The following COMMD1 variants were observed in gnomAD, a reference collection of about 807,000 sequenced individuals.
COMMD1 encodes copper metabolism domain containing 1.
COMMD1 carries 10 observed loss-of-function variants against 17.2 expected under a neutral mutation model. That is an observed-to-expected ratio of 0.58 (90% confidence interval 0.36 to 0.99). COMMD1 has a LOEUF of 0.99. COMMD1 is among the 50% of genes least tolerant of loss of function. The probability of loss-of-function intolerance (pLI) is 0.01; values close to 1 mark genes in which losing one functional copy is unlikely to be tolerated. For synonymous variants in COMMD1, 97 were observed against 91.6 expected (o/e 1.06, Z -0.34); for missense variants, 270 against 231.8 (o/e 1.17, Z -1.07).
At chr2:62,112,655 T>A (rs1672487499) in intron 2 of COMMD1, among the ~76,000 whole-genome samples, 1 of 152,248 alleles carries the variant, frequency 6.6e-6, no homozygotes, top group Non-Finnish European at 1.5e-5. Context: ...TTAGTCTTTT[T>A]AACAGTCCTA....
At chr2:62,086,110 A>G (rs1671661727) in intron 2 of COMMD1, among the ~76,000 whole-genome samples, 1 of 152,148 alleles carries the variant, frequency 6.6e-6, no homozygotes, top group African/African-American at 2.4e-5. Context: ...TGAGCCCAGG[A>G]GGTGGAGGCT....
At chr2:61,890,399 A>G (rs1320922266) in intron 1 of COMMD1, among the ~76,000 whole-genome samples, 1 of 152,060 alleles carries the variant, frequency 6.6e-6, no homozygotes, top group East Asian at 1.9e-4. Flanking sequence ...TTGTATTTTT[A>G]GTAGAGACGG....
intron 1 of COMMD1, among the ~76,000 whole-genome samples, chr2:61,996,058 A>G (rs1208133235): frequency 1.3e-5 from 2 of 152,154 alleles, no homozygotes; most frequent in African/African-American, 4.8e-5. Context: ...AGCAGTATAC[A>G]TACTTTAATT....
chr2:62,017,379 AT>A (rs1669481935), intron 2 of COMMD1, among the ~76,000 whole-genome samples: 2 of 152,222 alleles, frequency 1.3e-5, no homozygotes, highest in Admixed American at 1.3e-4. Flanking sequence ...TTAGAATATC[AT>A]TTAAAGGCTG....
intron 1 of COMMD1, among the ~76,000 whole-genome samples, chr2:61,945,902 C>A (rs1042577166): frequency 3.9e-5 from 6 of 152,088 alleles, no homozygotes; most frequent in African/African-American, 1.4e-4. Flanking sequence ...GATTAAACTT[C>A]CAGGTAGCGG....
upstream of COMMD1, among the ~76,000 whole-genome samples, chr2:61,904,823 A>G (rs899100998): frequency 1.3e-5 from 2 of 152,224 alleles, no homozygotes; most frequent in African/African-American, 4.8e-5. Context: ...CTCTGTACCT[A>G]TAAACAGTCA....
intron 2 of COMMD1, among the ~76,000 whole-genome samples, chr2:62,034,468 T>G (rs1669990927): frequency 6.6e-6 from 1 of 152,170 alleles, no homozygotes; most frequent in Non-Finnish European, 1.5e-5. Flanking sequence ...CCCTCCAGCC[T>G]GGGCGATAGA....
intron 1 of COMMD1, among the ~76,000 whole-genome samples, chr2:61,965,872 A>G (rs1450475780): frequency 6.6e-6 from 1 of 152,192 alleles, no homozygotes; most frequent in Non-Finnish European, 1.5e-5. Flanking sequence ...CGTACACAAA[A>G]GTATTACTGA....
intron 2 of COMMD1, among the ~76,000 whole-genome samples, chr2:62,014,884 G>A (rs1440197732): frequency 1.3e-5 from 2 of 151,858 alleles, no homozygotes; most frequent in Non-Finnish European, 2.9e-5. Flanking sequence ...GTTTTTAAGT[G>A]TACAGTCCAG....
intron 2 of COMMD1, among the ~76,000 whole-genome samples, chr2:62,129,806 A>G (rs1395417047): frequency 6.6e-6 from 1 of 152,152 alleles, no homozygotes; most frequent in Non-Finnish European, 1.5e-5. Context: ...GTTGTGGGTC[A>G]AAGGGTTATT....
At chr2:61,933,907 G>A (rs1362346550) in intron 1 of COMMD1, among the ~76,000 whole-genome samples, 6 of 152,142 alleles carry the variant, frequency 3.9e-5, no homozygotes, top group Non-Finnish European at 8.8e-5. Flanking sequence ...GGGATTACAG[G>A]CATGTGCCAC....
Position 62,065,628 on chromosome 2 carries a change from T to G in COMMD1, c.462+64646T>G, listed in dbSNP as rs142626711. On this transcript the variant is annotated intron_variant, in intron 2 of 2. Coordinates refer to ENST00000311832, the MANE Select transcript of COMMD1 (RefSeq NM_152516.4). The stretch of plus-strand genomic sequence containing the variant: ...AGCCACCACACCTGGCCCTTATATA[T>G]ACTTACTTTAAAGGTAACTGGAAAT... 1.6e-3 allele frequency among the ~76,000 whole-genome samples: 246 copies of G among 152,320 alleles called. 2 individuals are homozygous for G. Among genetic ancestry groups the G allele is most frequent in the African/African-American group, 4.7e-3 (194 of 41,572 alleles).
At chr2:61,968,366 T>C (rs1193170620) in intron 1 of COMMD1, among the ~76,000 whole-genome samples, 2 of 152,166 alleles carry the variant, frequency 1.3e-5, no homozygotes, top group Non-Finnish European at 2.9e-5. Flanking sequence ...GCAGCTCATA[T>C]AGCAAATTCT....
intron 1 of COMMD1, among the ~76,000 whole-genome samples, chr2:61,954,631 G>T (rs1671145591): frequency 6.6e-6 from 1 of 151,676 alleles, no homozygotes; most frequent in Non-Finnish European, 1.5e-5. Context: ...AAAGATAAAG[G>T]ATAGTATTAC....
chr2:62,003,139 A>G (rs957414229), intron 2 of COMMD1, among the ~76,000 whole-genome samples: 1 of 152,082 alleles, frequency 6.6e-6, no homozygotes, highest in African/African-American at 2.4e-5. Context: ...AGGCTGAGGC[A>G]GGAGAATCAC....
upstream of COMMD1, among the ~76,000 whole-genome samples, chr2:61,903,963 G>T (rs1395543509): frequency 6.6e-6 from 1 of 152,134 alleles, no homozygotes; most frequent in African/African-American, 2.4e-5. Context: ...TATTATCTAA[G>T]CCTAAAGTCA....
At chr2:61,925,018 C>G (rs1189006438) in intron 1 of COMMD1, among the ~76,000 whole-genome samples, 2 of 152,116 alleles carry the variant, frequency 1.3e-5, no homozygotes, top group African/African-American at 2.4e-5. Flanking sequence ...GACAGACGGT[C>G]AAGGGTTCCG....
intron 1 of COMMD1, among the ~76,000 whole-genome samples, chr2:61,962,986 C>A (rs2103699733): frequency 6.6e-6 from 1 of 151,866 alleles, no homozygotes; most frequent in East Asian, 1.9e-4. Flanking sequence ...CATGGTGAAA[C>A]CCCATCTCTA....
chr2:61,930,617 T>TGTG (rs1670439160), intron 1 of COMMD1, among the ~76,000 whole-genome samples: 1 of 146,056 alleles, frequency 6.8e-6, no homozygotes, highest in African/African-American at 2.5e-5. Flanking sequence ...CCACAGGGTT[T>TGTG]TGTGTGTGTG....
Sources: allele counts gnomAD v4.1 joint callset (sites outside exome capture counted in the v4.1 genomes callset), GRCh38; gene constraint gnomAD v4.1.1; transcripts MANE v1.5; gene names NCBI Gene and HGNC (gene_info 2026-07-23, HGNC 2026-07-21).